The following SMYD3 variants were observed in gnomAD, a reference collection of about 807,000 sequenced individuals.
The protein encoded by SMYD3 is SET and MYND domain containing 3, also known as histone-lysine N-methyltransferase SMYD3.
Under a neutral mutation model 57.7 loss-of-function variants are expected in SMYD3, and 36 were observed. The observed-to-expected ratio is 0.62, with a 90% CI of 0.48 to 0.82. The LOEUF is 0.82. Ranked by LOEUF, SMYD3 falls within the 40% of genes least tolerant of loss-of-function variation. SMYD3 has a pLI of 0.00. For synonymous variants in SMYD3, 211 were observed against 195.0 expected (o/e 1.08, Z -0.68); for missense variants, 515 against 538.8 (o/e 0.96, Z 0.44).
rs189591142 is a variant in SMYD3 at position 246,391,787 on chromosome 1, T to C, written c.165-36693A>G. On this transcript the variant is annotated intron_variant, in intron 1 of 11. Coordinates refer to ENST00000490107, the MANE Select transcript of SMYD3 (RefSeq NM_001167740.2). Reference sequence around the variant, plus strand: ...ATTAAAGATCCAGAAGCAAGAGAGGTGCTTTCCTATTTGGTACTCCCGTCT... The same window carrying C: ...ATTAAAGATCCAGAAGCAAGAGAGGCGCTTTCCTATTTGGTACTCCCGTCT... Among the ~76,000 whole-genome samples, 118 of 152,076 alleles carry C rather than the reference T, an allele frequency of 7.8e-4. 2 individuals carry two copies. The South Asian group carries it at 0.012, about 16-fold the overall frequency.
At chr1:245,993,438 T>A (rs1185217485) in intron 5 of SMYD3, among the ~76,000 whole-genome samples, 1 of 151,880 alleles carries the variant, frequency 6.6e-6, no homozygotes, top group African/African-American at 2.4e-5. Flanking sequence ...TTTAAAAAAT[T>A]GGTTAAAAAA....
intron 5 of SMYD3, among the ~76,000 whole-genome samples, chr1:246,265,358 T>G (rs1157553701): frequency 6.6e-6 from 1 of 152,102 alleles, no homozygotes; most frequent in Admixed American, 6.6e-5. Context: ...ATGCTTGTCT[T>G]GAACTCCTGA....
chr1:246,284,451 CTT>C (rs201357693), intron 5 of SMYD3, among the ~76,000 whole-genome samples: 3,831 of 149,252 alleles, frequency 0.026, 82 homozygotes, highest in Non-Finnish European at 0.04. Flanking sequence ...GAGTCTCACT[CTT>C]TCGCCCAGAC....
Position 246,324,033 on chromosome 1 carries a change from G to C in SMYD3, c.531+3168C>G, listed in dbSNP as rs147011092. 2.8e-4 allele frequency among the ~76,000 whole-genome samples: 42 copies of C among 152,222 alleles called. 3 individuals carry two copies. The highest frequency in any genetic ancestry group is 2.6e-3 in the Admixed American group (39 of 15,294). On this transcript the variant is annotated intron_variant, in intron 5 of 11. Coordinates refer to ENST00000490107, the MANE Select transcript of SMYD3 (RefSeq NM_001167740.2). ...TCTATTTTTGTGTGTGTTTGAAAAT[G>C]TCCATAATTTAAAAGTCAAAAAAAT...
At chr1:246,467,966 GC>G (rs2067903516) in intron 1 of SMYD3, among the ~76,000 whole-genome samples, 1 of 152,168 alleles carries the variant, frequency 6.6e-6, no homozygotes, top group Non-Finnish European at 1.5e-5. Context: ...TTCACGACCA[GC>G]CTGGGCAACA....
At chr1:245,810,068 A>G (rs1340571639) in intron 10 of SMYD3, among the ~76,000 whole-genome samples, 2 of 152,078 alleles carry the variant, frequency 1.3e-5, no homozygotes, top group South Asian at 2.1e-4. Context: ...CCAGAAACCA[A>G]TTTCACCAAG....
intron 5 of SMYD3, among the ~76,000 whole-genome samples, chr1:245,950,201 C>T (rs372276975): frequency 1.3e-5 from 2 of 152,128 alleles, no homozygotes; most frequent in Non-Finnish European, 2.9e-5. Flanking sequence ...TGACCTAATA[C>T]TGTTAGGTGA....
At chr1:245,848,238 G>C (rs1397069935) in intron 10 of SMYD3, among the ~76,000 whole-genome samples, 1 of 151,800 alleles carries the variant, frequency 6.6e-6, no homozygotes, top group Non-Finnish European at 1.5e-5. Context: ...TGAGTAGCTG[G>C]AACTATAGGC....
At chr1:245,802,241 T>C (rs2047903859) in intron 10 of SMYD3, among the ~76,000 whole-genome samples, 1 of 152,186 alleles carries the variant, frequency 6.6e-6, no homozygotes, top group Non-Finnish European at 1.5e-5. Context: ...CTTGGTAGTG[T>C]TCCTGGCATG....
chr1:246,056,276 T>A (rs34885438), intron 5 of SMYD3, among the ~76,000 whole-genome samples: 3,024 of 152,228 alleles, frequency 0.02, 142 homozygotes, highest in East Asian at 0.16. Flanking sequence ...CCTCATTTCA[T>A]CCTGCAATGC....
intron 1 of SMYD3, among the ~76,000 whole-genome samples, chr1:246,505,928 T>C (rs777742767): frequency 7.9e-5 from 12 of 152,222 alleles, no homozygotes; most frequent in Admixed American, 3.9e-4. Context: ...AAGATGCTGC[T>C]CTCTCCCGAA....
chr1:246,407,960 T>C (rs565556732), intron 1 of SMYD3, among the ~76,000 whole-genome samples: 18 of 151,858 alleles, frequency 1.2e-4, no homozygotes, highest in Admixed American at 1.2e-3. Flanking sequence ...GCTCATTCAG[T>C]GTAAATGAAG....
Position 246,073,912 on chromosome 1 carries a change from C to G in SMYD3, c.532-143975G>C, listed in dbSNP as rs1325709865. ...CTGGCGCAACCATATGCCCATGTGT[C>G]AGGCACAATTTCCTAAGAAGAAATC... On this transcript the variant is annotated intron_variant, in intron 5 of 11. Transcript: ENST00000490107. 2.0e-5 allele frequency among the ~76,000 whole-genome samples: 3 copies of G among 152,300 alleles called. No homozygotes were observed. In the East Asian group the frequency reaches 5.8e-4, roughly 29 times the overall value.
At chr1:246,005,663 G>A (rs1358584621) in intron 5 of SMYD3, among the ~76,000 whole-genome samples, 1 of 152,168 alleles carries the variant, frequency 6.6e-6, no homozygotes, top group Non-Finnish European at 1.5e-5. Flanking sequence ...AAAGGGGCAC[G>A]CTTACAGTGA....
intron 5 of SMYD3, among the ~76,000 whole-genome samples, chr1:246,279,222 G>T (rs1382898651): frequency 2.0e-5 from 3 of 152,136 alleles, no homozygotes; most frequent in Non-Finnish European, 2.9e-5. Context: ...AAGCTACAAT[G>T]TAAGATTGTT....
At chr1:246,289,811 C>G (rs2064651107) in intron 5 of SMYD3, among the ~76,000 whole-genome samples, 1 of 152,102 alleles carries the variant, frequency 6.6e-6, no homozygotes, top group Non-Finnish European at 1.5e-5. Context: ...CCAGGGCAAC[C>G]CCGGGTAAGT....
chr1:246,027,937 A>C (rs112414463), intron 5 of SMYD3, among the ~76,000 whole-genome samples: 2 of 152,148 alleles, frequency 1.3e-5, no homozygotes, highest in African/African-American at 4.8e-5. Context: ...ACTTCATAGA[A>C]GGAGATCAAA....
At chr1:246,421,202 A>T (rs2067138419) in intron 1 of SMYD3, among the ~76,000 whole-genome samples, 1 of 152,202 alleles carries the variant, frequency 6.6e-6, no homozygotes, top group Admixed American at 6.5e-5. Flanking sequence ...CTAACATTAT[A>T]TTATGTTTCA....
chr1:245,774,758 C>G (rs892801745), intron 10 of SMYD3, among the ~76,000 whole-genome samples: 3 of 151,212 alleles, frequency 2.0e-5, no homozygotes, highest in African/African-American at 4.9e-5. Context: ...TGAGCCGAAG[C>G]TGGACTGTAC....
Sources: allele counts gnomAD v4.1 joint callset (sites outside exome capture counted in the v4.1 genomes callset), GRCh38; gene constraint gnomAD v4.1.1; transcripts MANE v1.5; gene names NCBI Gene and HGNC (gene_info 2026-07-23, HGNC 2026-07-21).